Variants in GNAQ observed in about 807,000 individuals in gnomAD.
GNAQ encodes the protein guanine nucleotide-binding protein G(q) subunit alpha.
GNAQ carries 8 observed loss-of-function variants against 43.9 expected under a neutral mutation model. The ratio of observed to expected loss-of-function variants is 0.18; its 90% CI spans 0.11 to 0.33. The LOEUF (loss-of-function observed/expected upper bound fraction) is 0.33, where lower values mean the gene tolerates loss of function less well. GNAQ is among the 10% of genes least tolerant of loss of function. The probability of loss-of-function intolerance (pLI) is 1.00; values close to 1 mark genes in which losing one functional copy is unlikely to be tolerated. For synonymous variants in GNAQ, 155 were observed against 170.7 expected, an observed-to-expected ratio of 0.91 and a Z score of 0.71; for missense variants, 158 against 450.8, an observed-to-expected ratio of 0.35 and a Z score of 5.88.
In GNAQ at chr9:77,896,540, T is replaced by C. The variant is rs183126606; in HGVS notation, c.321+25621A>G. Among the ~76,000 whole-genome samples the C allele has an allele frequency of 2.0e-5, 3 of 152,354 alleles. No individual in the cohort carries two copies. In the East Asian group the frequency reaches 5.8e-4, roughly 29 times the overall value. Reference sequence around the variant, plus strand: ...TTTTTTATACAACGACAATGCCAACTGTCATGCCTAACAAAAGAAAGAATA... The same window carrying C: ...TTTTTTATACAACGACAATGCCAACCGTCATGCCTAACAAAAGAAAGAATA... On this transcript the variant is annotated intron_variant, in intron 2 of 6. Coordinates refer to ENST00000286548, the MANE Select transcript of GNAQ (RefSeq NM_002072.5).
chr9:78,017,513 C>G (rs1823854222), intron 1 of GNAQ, among the ~76,000 whole-genome samples: 1 of 152,188 alleles, frequency 6.6e-6, no homozygotes, highest in Admixed American at 6.5e-5. Flanking sequence ...GTACATTTCA[C>G]CTTCATTTTG....
At chr9:78,025,054 G>A (rs902641488) in intron 1 of GNAQ, among the ~76,000 whole-genome samples, 2 of 152,078 alleles carry the variant, frequency 1.3e-5, no homozygotes, top group African/African-American at 2.4e-5. Flanking sequence ...TGGGATTCTC[G>A]GCACTGCAAC....
rs975401059 is a variant in GNAQ at position 77,719,968 on chromosome 9, T to C, written c.*1355A>G. The C allele has an allele frequency of 4.3e-6, 1 of 232,542 alleles. No individual in the cohort carries two copies. The highest frequency in any genetic ancestry group is 2.2e-5 in the African/African-American group (1 of 45,410). The allele number at this position is 232,542 out of a possible 1,614,324, so 14.4% of individuals were successfully genotyped here. The stretch of plus-strand genomic sequence containing the variant: ...GAAATTAAAGGTGTCGGAATAATAC[T>C]ACCAACCAATGTTCCTGGCAGACTT... On this transcript the variant is annotated 3_prime_UTR_variant, in exon 7 of 7. Coordinates refer to ENST00000286548, the MANE Select transcript of GNAQ (RefSeq NM_002072.5).
chr9:77,760,353 C>T (rs1341126532), intron 5 of GNAQ, among the ~76,000 whole-genome samples: 7 of 152,104 alleles, frequency 4.6e-5, no homozygotes, highest in South Asian at 2.1e-4. Flanking sequence ...AGTGCAGGCG[C>T]GCGCCGCCAC....
chr9:77,774,964 C>A (rs1043675017), intron 5 of GNAQ, among the ~76,000 whole-genome samples: 4 of 152,274 alleles, frequency 2.6e-5, no homozygotes, highest in Middle Eastern at 3.4e-3. Flanking sequence ...CTGAATTAAT[C>A]TTCCAGGCAT....
rs78548955 is a variant in GNAQ, at chr9:77,954,401, G to C, written c.137-32056C>G. On this transcript the variant is annotated intron_variant, in intron 1 of 6. Coordinates refer to ENST00000286548, the MANE Select transcript of GNAQ (RefSeq NM_002072.5). The stretch of plus-strand genomic sequence containing the variant: ...TCAACCTAGGCACAGCACCACCATA[G>C]TACGGCTTAAGGAAGAGAAGAACTG... 2.4e-4 allele frequency among the ~76,000 whole-genome samples: 36 copies of C among 152,332 alleles called. No homozygotes were observed. In the East Asian group the frequency reaches 4.8e-3, roughly 20 times the overall value.
At position 77,720,836 on chromosome 9, in the gene GNAQ, T is replaced by C. The variant is rs1825298955; in HGVS notation, c.*487A>G. 1.3e-5 allele frequency: 3 copies of C among 233,846 alleles called. No homozygotes were observed. The highest frequency in any genetic ancestry group is 1.1e-4 in the Admixed American group (2 of 17,792). 14.5% of individuals were successfully genotyped at this position (233,846 alleles called of 1,614,324 possible). A position where few individuals can be genotyped will look rare whatever the true frequency, so the allele number is the denominator to read the frequency against. On this transcript the variant is annotated 3_prime_UTR_variant, in exon 7 of 7. Transcript: ENST00000286548. ...TAAATTAAGCTGATGATGGCTTAAATCGAACGATGTGTCCTGACTGTATCA... is the reference window on the plus strand; with the variant it reads ...TAAATTAAGCTGATGATGGCTTAAACCGAACGATGTGTCCTGACTGTATCA...
At position 77,766,751 on chromosome 9, in the gene GNAQ, C is replaced by A. The variant is rs544002558; in HGVS notation, c.735+27712G>T. Among the ~76,000 whole-genome samples, 164 of 152,200 alleles carry A rather than the reference C, an allele frequency of 1.1e-3. 1 individual carries two copies. The highest frequency in any genetic ancestry group is 2.1e-3 in the Non-Finnish European group (145 of 68,010). On this transcript the variant is annotated intron_variant, in intron 5 of 6. Transcript: ENST00000286548. ...CTGCAGTCCAAGTGTGGGTGTTTAACTAGTGACAACTGGAGCTGCCTTTGC... is the reference window on the plus strand; with the variant it reads ...CTGCAGTCCAAGTGTGGGTGTTTAAATAGTGACAACTGGAGCTGCCTTTGC...
intron 1 of GNAQ, among the ~76,000 whole-genome samples, chr9:77,972,796 T>C (rs1288916003): frequency 6.6e-6 from 1 of 151,624 alleles, no homozygotes; most frequent in Admixed American, 6.6e-5. Flanking sequence ...CTACTAAAAA[T>C]ACAAAAATTA....
intron 3 of GNAQ, among the ~76,000 whole-genome samples, chr9:77,805,077 G>C (rs955335466): frequency 1.8e-4 from 28 of 152,104 alleles, no homozygotes; most frequent in African/African-American, 6.5e-4. Flanking sequence ...AAATTGTAAA[G>C]TGACCTGCAA....
chr9:78,026,671 T>G (rs781422873), intron 1 of GNAQ, among the ~76,000 whole-genome samples: 1 of 152,064 alleles, frequency 6.6e-6, no homozygotes, highest in Non-Finnish European at 1.5e-5. Context: ...ACATACCCAC[T>G]CCAGTGAACC....
At chr9:77,778,230 C>T (rs1458179461) in intron 5 of GNAQ, among the ~76,000 whole-genome samples, 1 of 151,442 alleles carries the variant, frequency 6.6e-6, no homozygotes, top group South Asian at 2.1e-4. Flanking sequence ...CACACACACA[C>T]ACACACACAC....
In GNAQ at chr9:77,963,446, G is replaced by A. The variant is rs142406426; in HGVS notation, c.137-41101C>T. ...GCTACAGTCAAGAGTGGAGCTTTCCGTGGAAATTTTAAACAACTAGGATCA... is the reference window on the plus strand; with the variant it reads ...GCTACAGTCAAGAGTGGAGCTTTCCATGGAAATTTTAAACAACTAGGATCA... On this transcript the variant is annotated intron_variant, in intron 1 of 6. Coordinates refer to ENST00000286548, the MANE Select transcript of GNAQ (RefSeq NM_002072.5). 4.6e-5 allele frequency among the ~76,000 whole-genome samples: 7 copies of A among 152,204 alleles called. No individual in the cohort carries two copies. In the East Asian group the frequency reaches 5.8e-4, roughly 13 times the overall value.
intron 2 of GNAQ, among the ~76,000 whole-genome samples, chr9:77,894,375 A>G (rs1191361926): frequency 1.5e-5 from 2 of 135,988 alleles, no homozygotes; most frequent in African/African-American, 5.7e-5. Flanking sequence ...TATTATATAT[A>G]TATTTAATAG....
At chr9:77,916,554 T>C (rs559889620) in intron 2 of GNAQ, among the ~76,000 whole-genome samples, 3 of 152,296 alleles carry the variant, frequency 2.0e-5, no homozygotes, top group Non-Finnish European at 2.9e-5. Context: ...GGTACTTTCC[T>C]GTGACAAGTT....
intron 5 of GNAQ, among the ~76,000 whole-genome samples, chr9:77,778,840 T>TA (rs1211558199): frequency 6.6e-6 from 1 of 151,962 alleles, no homozygotes; most frequent in Non-Finnish European, 1.5e-5. Context: ...TATTAGGCCT[T>TA]ACATAATGAT....
At chr9:77,752,452 C>G (rs915049882) in intron 5 of GNAQ, among the ~76,000 whole-genome samples, 2 of 152,196 alleles carry the variant, frequency 1.3e-5, no homozygotes, top group Admixed American at 1.3e-4. Flanking sequence ...CACACTTCCC[C>G]TCAAGGACTC....
intron 2 of GNAQ, among the ~76,000 whole-genome samples, chr9:77,878,411 G>A (rs1363536407): frequency 6.6e-6 from 1 of 151,990 alleles, no homozygotes; most frequent in East Asian, 1.9e-4. Flanking sequence ...TGTGACTTGG[G>A]CAATTTCATC....
intron 2 of GNAQ, among the ~76,000 whole-genome samples, chr9:77,827,256 A>G (rs1474931214): frequency 1.3e-5 from 2 of 151,602 alleles, no homozygotes; most frequent in African/African-American, 4.8e-5. Flanking sequence ...GTGCGTGAAG[A>G]CTTTACCAGA....
Sources: allele counts gnomAD v4.1 joint callset (sites outside exome capture counted in the v4.1 genomes callset), GRCh38; gene constraint gnomAD v4.1.1; transcripts MANE v1.5; gene names NCBI Gene and HGNC (gene_info 2026-07-23, HGNC 2026-07-21).